ABTB2: variants seen among roughly 807,000 people sequenced by gnomAD.
ABTB2 encodes ankyrin repeat and BTB/POZ domain-containing protein 2.
In ABTB2, 56 loss-of-function variants were observed where a neutral mutation model predicts 104.1. The observed-to-expected ratio is 0.54, with a 90% CI of 0.43 to 0.67. ABTB2 has a LOEUF of 0.67. ABTB2 is among the 30% of genes least tolerant of loss of function. ABTB2 has a pLI of 0.00. For synonymous variants in ABTB2, 606 were observed against 608.2 expected (o/e 1.00, Z 0.05); for missense variants, 1,279 against 1,407.7 (o/e 0.91, Z 1.46).
intron 1 of ABTB2, among the ~76,000 whole-genome samples, chr11:34,258,605 C>CTTTTTTTTTTTTTTTTTT (rs35853565): frequency 1.1e-5 from 1 of 95,172 alleles, no homozygotes; most frequent in African/African-American, 4.3e-5. Context: ...AGTGCCTGCT[C>CTTTTTTTTTTTTTTTTTT]TTTTTTTTTT....
chr11:34,327,078 A>G (rs1349920608), intron 1 of ABTB2, among the ~76,000 whole-genome samples: 1 of 152,248 alleles, frequency 6.6e-6, no homozygotes, highest in African/African-American at 2.4e-5. Flanking sequence ...CCGTCTCAAA[A>G]ATAAAATAAG....
At chr11:34,327,799 T>C (rs1376323202) in intron 1 of ABTB2, among the ~76,000 whole-genome samples, 2 of 152,200 alleles carry the variant, frequency 1.3e-5, no homozygotes, top group African/African-American at 2.4e-5. Context: ...TGATCCTGCC[T>C]GGGAGAAAGA....
intron 1 of ABTB2, among the ~76,000 whole-genome samples, chr11:34,290,099 A>C (rs1231848406): frequency 6.6e-6 from 1 of 152,240 alleles, no homozygotes; most frequent in Non-Finnish European, 1.5e-5. Flanking sequence ...GCAGCAAATC[A>C]GTTCTATTGG....
rs146300344 is a variant in ABTB2 at position 34,155,595 on chromosome 11, C to T, written c.2698-826G>A. On this transcript the variant is annotated intron_variant, in intron 14 of 16. Coordinates refer to ENST00000435224, the MANE Select transcript of ABTB2 (RefSeq NM_145804.3). The stretch of plus-strand genomic sequence containing the variant: ...GTGTGTAAGTAAACACAGCTCCAGC[C>T]GGCACAGTCGGGCTCTGTCAAGACC... Among the ~76,000 whole-genome samples the T allele has an allele frequency of 1.6e-3, 249 of 152,356 alleles. 1 individual carries two copies. Among genetic ancestry groups the T allele is most frequent in the African/African-American group, 5.3e-3 (221 of 41,578 alleles).
At chr11:34,244,194 TA>T (rs1235347681) in intron 1 of ABTB2, among the ~76,000 whole-genome samples, 1 of 151,266 alleles carries the variant, frequency 6.6e-6, no homozygotes, top group Non-Finnish European at 1.5e-5. Context: ...CCAAGGGAGG[TA>T]ATTGTTTCTT....
chr11:34,211,020 A>G (rs931046205), intron 1 of ABTB2, among the ~76,000 whole-genome samples: 1 of 152,188 alleles, frequency 6.6e-6, no homozygotes, highest in Non-Finnish European at 1.5e-5. Context: ...CAGTTGTTAT[A>G]TATTAGTCAT....
chr11:34,188,152 G>A (rs530513052), intron 3 of ABTB2, among the ~76,000 whole-genome samples: 3 of 152,254 alleles, frequency 2.0e-5, no homozygotes, highest in East Asian at 3.9e-4. Flanking sequence ...GGCAAATCAC[G>A]TAACTTGCCC....
rs192407787 is a variant in ABTB2 at position 34,266,444 on chromosome 11, G to C, written c.884-61754C>G. 2.6e-5 allele frequency among the ~76,000 whole-genome samples: 4 copies of C among 152,078 alleles called. No individual in the cohort carries two copies. The South Asian group carries it at 8.3e-4, about 32-fold the overall frequency. ...GGCCTGGGCCTTAGTTTCCTCATCC[G>C]TGAGCAGAGCTGGCCGATCAGACCA... On this transcript the variant is annotated intron_variant, in intron 1 of 16. Coordinates refer to ENST00000435224, the MANE Select transcript of ABTB2 (RefSeq NM_145804.3).
rs550038190 is a variant in ABTB2, at chr11:34,223,655, G to A, written c.884-18965C>T. 1.5e-4 allele frequency among the ~76,000 whole-genome samples: 23 copies of A among 152,292 alleles called. 1 individual carries two copies. The South Asian group carries it at 3.7e-3, about 25-fold the overall frequency. Reference sequence around the variant, plus strand: ...TTGCAGGCAGCAGGCCTGGGGGATTGGAGCACAGAGGAAAGCAGTCTCCTG... The same window carrying A: ...TTGCAGGCAGCAGGCCTGGGGGATTAGAGCACAGAGGAAAGCAGTCTCCTG... On this transcript the variant is annotated intron_variant, in intron 1 of 16. Transcript: ENST00000435224.
At chr11:34,165,138 A>T in intron 8 of ABTB2, 122 bp downstream of exon 8, 1 of 943,566 alleles carries the variant, frequency 1.1e-6, no homozygotes, top group Non-Finnish European at 1.5e-6. Flanking sequence ...AAGGGGTTTT[A>T]AGGCCCCTGC....
At chr11:34,274,726 C>A (rs1409236389) in intron 1 of ABTB2, among the ~76,000 whole-genome samples, 1 of 151,908 alleles carries the variant, frequency 6.6e-6, no homozygotes, top group African/African-American at 2.4e-5. Flanking sequence ...TGAGGTCAGA[C>A]CAATGGTTCT....
intron 1 of ABTB2, among the ~76,000 whole-genome samples, chr11:34,313,405 CA>C (rs1854882680): frequency 6.6e-6 from 1 of 152,216 alleles, no homozygotes; most frequent in African/African-American, 2.4e-5. Flanking sequence ...CCTTACAAGC[CA>C]CCTGGCTGAG....
intron 1 of ABTB2, among the ~76,000 whole-genome samples, chr11:34,263,436 T>C (rs1490718752): frequency 6.6e-6 from 1 of 152,110 alleles, no homozygotes; most frequent in Non-Finnish European, 1.5e-5. Flanking sequence ...CTTTTGCAGG[T>C]TCTCAGCTTT....
At chr11:34,228,746 A>C in intron 1 of ABTB2, among the ~76,000 whole-genome samples, 1 of 152,110 alleles carries the variant, frequency 6.6e-6, no homozygotes, top group East Asian at 1.9e-4. Flanking sequence ...CGTTCCTACC[A>C]GTGGTGTATG....
At chr11:34,293,222 G>A (rs561084007) in intron 1 of ABTB2, among the ~76,000 whole-genome samples, 5 of 152,232 alleles carry the variant, frequency 3.3e-5, no homozygotes, top group African/African-American at 7.2e-5. Flanking sequence ...TACTGATGTC[G>A]AGGGGGGGCC....
At chr11:34,196,934 A>G (rs571279683) in intron 3 of ABTB2, among the ~76,000 whole-genome samples, 80 of 152,362 alleles carry the variant, frequency 5.3e-4, no homozygotes, top group Non-Finnish European at 1.1e-3. Context: ...ACCACTGGCC[A>G]AGGGCCAGTT....
chr11:34,302,790 T>A (rs1163282425), intron 1 of ABTB2, among the ~76,000 whole-genome samples: 1 of 152,150 alleles, frequency 6.6e-6, no homozygotes, highest in Non-Finnish European at 1.5e-5. Flanking sequence ...AAAGGCCCAG[T>A]CAGAAGGGAA....
chr11:34,154,859 C>T lies in ABTB2; in HGVS notation c.2698-90G>A. 1 of 1,262,144 alleles carries T rather than the reference C, an allele frequency of 7.9e-7. No individual in the cohort carries two copies. The highest frequency in any genetic ancestry group is 1.1e-6 in the Non-Finnish European group (1 of 875,652). 78.2% of individuals were successfully genotyped at this position (1,262,144 alleles called of 1,614,324 possible). A position where few individuals can be genotyped will look rare whatever the true frequency, so the allele number is the denominator to read the frequency against. On this transcript the variant is annotated intron_variant, in intron 14 of 16. Transcript: ENST00000435224. This position sits in a 1 kb window ranked among gnomAD's most constrained non-coding sequence, Gnocchi z 4.9. ...CCACAGGGTACTGCTCCAGCTGCCGCCTCCAGGGGCCTGTCCCTCTGCAGG... is the reference window on the plus strand; with the variant it reads ...CCACAGGGTACTGCTCCAGCTGCCGTCTCCAGGGGCCTGTCCCTCTGCAGG...
At chr11:34,229,572 G>A (rs764423629) in intron 1 of ABTB2, among the ~76,000 whole-genome samples, 50 of 152,122 alleles carry the variant, frequency 3.3e-4, no homozygotes, top group Admixed American at 5.9e-4. Context: ...TAAAACAAGT[G>A]CAACCACAAA....
Sources: gnomAD v4.1 joint callset for allele counts (sites outside exome capture counted in the v4.1 genomes callset) on GRCh38, gnomAD v4.1.1 for gene constraint, Gnocchi (gnomAD v3.1) non-coding constraint, MANE v1.5 for transcripts, NCBI Gene and HGNC (gene_info 2026-07-23, HGNC 2026-07-21) for gene names.